The following SAMD12 variants were observed in gnomAD, a reference collection of about 807,000 sequenced individuals.
SAMD12 encodes sterile alpha motif domain-containing protein 12.
A neutral mutation model predicts 15.0 loss-of-function variants in SAMD12; 9 were observed. That is an observed-to-expected ratio of 0.60 (90% confidence interval 0.36 to 1.05). SAMD12 has a LOEUF of 1.05. Ranked by LOEUF, SAMD12 falls within the 50% of genes least tolerant of loss-of-function variation. The pLI is 0.01. For synonymous variants in SAMD12, 86 were observed against 90.1 expected, an observed-to-expected ratio of 0.96 and a Z score of 0.25; for missense variants, 230 against 234.2, an observed-to-expected ratio of 0.98 and a Z score of 0.12.
intron 4 of SAMD12, among the ~76,000 whole-genome samples, chr8:118,360,558 AAC>A (rs1179661853): frequency 6.6e-6 from 1 of 152,114 alleles, no homozygotes; most frequent in African/African-American, 2.4e-5. Context: ...AACAAAACAA[AAC>A]ACAAAACAAA....
intron 4 of SAMD12, among the ~76,000 whole-genome samples, chr8:118,368,262 G>A (rs1257161292): frequency 1.3e-5 from 2 of 152,134 alleles, no homozygotes; most frequent in African/African-American, 2.4e-5. Context: ...CACGTGATTC[G>A]CAGATCATAA....
chr8:118,618,463 TAAGAG>T (rs765780749), intron 1 of SAMD12, among the ~76,000 whole-genome samples: 24 of 152,302 alleles, frequency 1.6e-4, no homozygotes, highest in African/African-American at 2.6e-4. Context: ...TAGCTTTTCC[TAAGAG>T]AAGGGATGAG....
chr8:118,420,662 C>T (rs757175591), intron 3 of SAMD12, among the ~76,000 whole-genome samples: 11 of 151,838 alleles, frequency 7.2e-5, no homozygotes, highest in African/African-American at 1.7e-4. Context: ...AGATTATTTC[C>T]GGATGTAAGA....
the SAMD12 span, among the ~76,000 whole-genome samples, chr8:118,170,293 G>A: frequency 5.9e-5 from 9 of 152,150 alleles, no homozygotes; most frequent in South Asian, 2.1e-4. Flanking sequence ...TATTATTACC[G>A]TAGATATATT....
the SAMD12 span, among the ~76,000 whole-genome samples, chr8:118,153,247 A>G: frequency 6.9e-6 from 1 of 145,864 alleles, no homozygotes; most frequent in African/African-American, 2.5e-5. Flanking sequence ...TGTTTGTTGC[A>G]GAACCTGGGG....
the SAMD12 span, among the ~76,000 whole-genome samples, chr8:118,137,143 C>A: frequency 2.0e-5 from 3 of 152,312 alleles, no homozygotes; most frequent in African/African-American, 4.8e-5. Context: ...CCAAACACCC[C>A]CTAGTGGTTT....
chr8:118,246,378 T>A (rs915436261), intron 4 of SAMD12, among the ~76,000 whole-genome samples: 1 of 151,550 alleles, frequency 6.6e-6, no homozygotes, highest in African/African-American at 2.4e-5. Context: ...GAAAGAGACA[T>A]TTTTTCTTTT....
At chr8:118,414,136 G>T (rs17749634) in intron 3 of SAMD12, among the ~76,000 whole-genome samples, 1 of 152,076 alleles carries the variant, frequency 6.6e-6, no homozygotes, top group Admixed American at 6.5e-5. Flanking sequence ...TAACGCATGC[G>T]TATATAAAGA....
chr8:118,237,461 ATAG>A (rs1812461353), intron 4 of SAMD12, among the ~76,000 whole-genome samples: 1 of 152,146 alleles, frequency 6.6e-6, no homozygotes, highest in African/African-American at 2.4e-5. Context: ...TGTGGTCCTA[ATAG>A]CTATGTGTTG....
intron 4 of SAMD12, among the ~76,000 whole-genome samples, chr8:118,256,843 G>A (rs540325801): frequency 2.7e-5 from 4 of 147,724 alleles, no homozygotes; most frequent in South Asian, 4.3e-4. Flanking sequence ...TTTTAGCTAC[G>A]GAATTCTTGG....
intron 4 of SAMD12, chr8:118,284,729 T>G (rs1586427182): frequency 1.2e-5 from 2 of 171,524 alleles, no homozygotes; most frequent in African/African-American, 2.4e-5. Flanking sequence ...GATCACGAGG[T>G]CAGGAGATCG....
At chr8:118,597,647 A>G (rs1827756906) in intron 1 of SAMD12, among the ~76,000 whole-genome samples, 2 of 152,220 alleles carry the variant, frequency 1.3e-5, no homozygotes, top group South Asian at 4.1e-4. Flanking sequence ...AACTGATACT[A>G]AAATAAACCA....
chr8:118,196,147 C>T (rs935709273), exon 5 of SAMD12: 5 of 152,146 alleles, frequency 3.3e-5, no homozygotes, highest in East Asian at 1.9e-4. Context: ...AAATCTCAGG[C>T]GTGGGTGGTT....
chr8:118,514,834 T>C (rs1024291280), intron 2 of SAMD12, among the ~76,000 whole-genome samples: 2 of 152,176 alleles, frequency 1.3e-5, no homozygotes, highest in Non-Finnish European at 2.9e-5. Context: ...TAGGACGGGT[T>C]AGTTGCTGAC....
rs1311095051 is a variant in SAMD12, at chr8:118,621,431, GC to G, written c.13+372del. On this transcript the variant is annotated intron_variant, in intron 1 of 3. Transcript: ENST00000314727. ...GAGGGGGGCCAACCAAGCATCCCCA[GC>G]CCCGGGGCCACCCAGCCTGCTCCGG... 8 of 297,362 alleles carry G rather than the reference GC, an allele frequency of 2.7e-5. No individual in the cohort carries two copies. The East Asian group carries it at 6.1e-4, about 23-fold the overall frequency. 18.4% of individuals were successfully genotyped at this position (297,362 alleles called of 1,614,324 possible). A position where few individuals can be genotyped will look rare whatever the true frequency, so the allele number is the denominator to read the frequency against.
rs528323504 is a variant in SAMD12 at position 118,528,723 on chromosome 8, C to T, written c.192+51992G>A. Among the ~76,000 whole-genome samples the T allele has an allele frequency of 1.2e-4, 18 of 152,314 alleles. 1 individual carries two copies. In the South Asian group the frequency reaches 2.5e-3, roughly 21 times the overall value. On this transcript the variant is annotated intron_variant, in intron 2 of 3. Transcript: ENST00000314727. ...CCCAGAAAAGTGAGTCTCTCTCAGACTTTGACATTCTGCTATCTGTATTTC... is the reference window on the plus strand; with the variant it reads ...CCCAGAAAAGTGAGTCTCTCTCAGATTTTGACATTCTGCTATCTGTATTTC...
chr8:118,472,236 G>A (rs541449529), intron 2 of SAMD12, among the ~76,000 whole-genome samples: 27 of 151,614 alleles, frequency 1.8e-4, no homozygotes, highest in South Asian at 6.3e-4. Flanking sequence ...GCAGTGAGCC[G>A]AGATTGTGCC....
At chr8:118,215,697 G>A (rs1811943788) in intron 4 of SAMD12, among the ~76,000 whole-genome samples, 1 of 149,506 alleles carries the variant, frequency 6.7e-6, no homozygotes, top group Admixed American at 6.7e-5. Flanking sequence ...TCCCACCTAT[G>A]AGTGAGAATA....
intron 3 of SAMD12, among the ~76,000 whole-genome samples, chr8:118,432,250 A>G (rs1312507656): frequency 6.6e-6 from 1 of 152,104 alleles, no homozygotes; most frequent in Non-Finnish European, 1.5e-5. Flanking sequence ...TCTGGTTCTG[A>G]TGATTACTTT....
Sources: allele counts gnomAD v4.1 joint callset (sites outside exome capture counted in the v4.1 genomes callset), GRCh38; gene constraint gnomAD v4.1.1; transcripts MANE v1.5; gene names NCBI Gene and HGNC (gene_info 2026-07-23, HGNC 2026-07-21).